PCDHA4: variants seen among roughly 807,000 people sequenced by gnomAD.
The protein encoded by PCDHA4 is protocadherin alpha-4.
A neutral mutation model predicts 61.4 loss-of-function variants in PCDHA4; 49 were observed. The ratio of observed to expected loss-of-function variants is 0.80; its 90% CI spans 0.63 to 1.01. The LOEUF is 1.01. Ranked by LOEUF, PCDHA4 falls within the 50% of genes least tolerant of loss-of-function variation. PCDHA4 has a pLI of 0.00. For missense variants in PCDHA4, 1,254 were observed against 1,235.8 expected (o/e 1.01, Z -0.22); for synonymous variants, 590 against 550.3 (o/e 1.07, Z -1.01).
chr5:140,914,317 A>G (rs1016365389), intron 1 of PCDHA4, among the ~76,000 whole-genome samples: 15 of 152,122 alleles, frequency 9.9e-5, no homozygotes, highest in Non-Finnish European at 2.9e-5. Flanking sequence ...CCCCATTATC[A>G]TTGTACAAAG....
intron 1 of PCDHA4, chr5:140,871,489 G>T: frequency 1.3e-6 from 2 of 1,590,138 alleles, no homozygotes; most frequent in Non-Finnish European, 1.7e-6. Flanking sequence ...AAATCACCCC[G>T]GACAGGTGAG....
chr5:140,876,106 C>G, intron 1 of PCDHA4: 1 of 1,613,942 alleles, frequency 6.2e-7, no homozygotes, highest in Admixed American at 1.7e-5. Context: ...CAATTTATTG[C>G]TGATGGTAAT....
At chr5:140,836,551 G>A in intron 1 of PCDHA4, 1 of 1,613,756 alleles carries the variant, frequency 6.2e-7, no homozygotes, top group South Asian at 1.1e-5. Context: ...GCGTTGCGGT[G>A]CTCAGCGCCG....
At chr5:140,850,951 T>C in intron 1 of PCDHA4, 1 of 1,500,264 alleles carries the variant, frequency 6.7e-7, no homozygotes. Flanking sequence ...TATTATCGAT[T>C]ACTCCCAGGG....
chr5:140,841,706 A>G, intron 1 of PCDHA4: 2 of 1,613,892 alleles, frequency 1.2e-6, no homozygotes, highest in Non-Finnish European at 1.7e-6. Context: ...TGTTAATGAC[A>G]ACCCGCCAGT....
Position 140,895,311 on chromosome 5 carries a change from C to T in PCDHA4, c.2386-83638C>T, listed in dbSNP as rs572826090. 2.0e-5 allele frequency among the ~76,000 whole-genome samples: 3 copies of T among 152,252 alleles called. No homozygotes were observed. The South Asian group carries it at 6.2e-4, about 32-fold the overall frequency. On this transcript the variant is annotated intron_variant, in intron 1 of 3. Transcript: ENST00000530339. ...GACCTTCGATTTCCCCCCTTCCACC[C>T]ATGACTATTGTTCTCAAATTGTTTT...
At chr5:140,957,373 T>G (rs906109440) in intron 1 of PCDHA4, among the ~76,000 whole-genome samples, 1 of 152,192 alleles carries the variant, frequency 6.6e-6, no homozygotes, top group Non-Finnish European at 1.5e-5. Flanking sequence ...ACTTTTATTA[T>G]AGTGTATTGT....
At chr5:140,830,534 A>G (rs2150187511) in intron 1 of PCDHA4, 2 of 1,251,108 alleles carry the variant, frequency 1.6e-6, no homozygotes, top group South Asian at 4.1e-5. Context: ...TAAATTTATA[A>G]TTGTTTTCCT....
intron 1 of PCDHA4, chr5:140,966,544 G>C: frequency 2.1e-6 from 1 of 465,718 alleles, no homozygotes; most frequent in Non-Finnish European, 3.7e-6. Flanking sequence ...GCGACTCGGA[G>C]GCGAGCGGAG....
At chr5:140,849,432 A>C (rs2150437335) in intron 1 of PCDHA4, 5 of 1,580,716 alleles carry the variant, frequency 3.2e-6, no homozygotes, top group African/African-American at 1.4e-5. Context: ...TTTTGAAGAA[A>C]GTAGAGCACA....
intron 1 of PCDHA4, among the ~76,000 whole-genome samples, chr5:140,910,668 C>G (rs2075124281): frequency 6.6e-6 from 1 of 152,172 alleles, no homozygotes; most frequent in Admixed American, 6.5e-5. Flanking sequence ...TACATTAAAC[C>G]AAGGGAGATC....
chr5:140,819,051 C>T (rs2150103040), intron 1 of PCDHA4, among the ~76,000 whole-genome samples: 2 of 152,250 alleles, frequency 1.3e-5, no homozygotes, highest in South Asian at 4.1e-4. Context: ...GGCAGTTATA[C>T]CTTCCTCTGT....
intron 1 of PCDHA4, among the ~76,000 whole-genome samples, chr5:140,838,525 T>C (rs1165394742): frequency 6.6e-6 from 1 of 151,996 alleles, no homozygotes; most frequent in Non-Finnish European, 1.5e-5. Flanking sequence ...CATCTTATTT[T>C]CTTTTATGGA....
At chr5:140,978,048 C>T (rs2096787371) in intron 1 of PCDHA4, among the ~76,000 whole-genome samples, 1 of 152,146 alleles carries the variant, frequency 6.6e-6, no homozygotes, top group African/African-American at 2.4e-5. Flanking sequence ...GTGATGGTGA[C>T]TGATGATGTC....
rs191251073 is a variant in PCDHA4, at chr5:140,928,748, G to A, written c.2386-50201G>A. 503 of 1,614,114 alleles carry A rather than the reference G, an allele frequency of 3.1e-4. 5 individuals carry two copies. The East Asian group carries it at 1.0e-2, about 32-fold the overall frequency. Reference sequence around the variant, plus strand: ...ATTTCAGCCAATATAGGTGAGCTCCGTACTGCTCGCTTAGTTCTTCCCACT... The same window carrying A: ...ATTTCAGCCAATATAGGTGAGCTCCATACTGCTCGCTTAGTTCTTCCCACT... On this transcript the variant is annotated intron_variant, in intron 1 of 3. Transcript: ENST00000530339.
chr5:140,916,242 T>A (rs1554197354), intron 1 of PCDHA4, among the ~76,000 whole-genome samples: 1 of 152,208 alleles, frequency 6.6e-6, no homozygotes, highest in Non-Finnish European at 1.5e-5. Flanking sequence ...AGCCAAAGCC[T>A]GGACTTGGGG....
chr5:140,973,631 A>G (rs1554235456), intron 1 of PCDHA4, among the ~76,000 whole-genome samples: 1 of 152,210 alleles, frequency 6.6e-6, no homozygotes, highest in African/African-American at 2.4e-5. Flanking sequence ...TGTATCTTGT[A>G]CACATTCTGA....
Position 141,009,983 on chromosome 5 carries a change from G to A in PCDHA4, c.*46G>A, listed in dbSNP as rs1554262629. The A allele has an allele frequency of 1.9e-6, 3 of 1,581,862 alleles. No homozygotes were observed. Among genetic ancestry groups the A allele is most frequent in the Non-Finnish European group, 2.6e-6 (3 of 1,167,526 alleles). On this transcript the variant is annotated 3_prime_UTR_variant, in exon 4 of 4. Coordinates refer to ENST00000530339, the MANE Select transcript of PCDHA4 (RefSeq NM_018907.4). ...CCACTTAGCCAGTTTTTGTAATAAT[G>A]GCAAATCTCTCCCATGTAGCAATTC...
intron 1 of PCDHA4, among the ~76,000 whole-genome samples, chr5:140,925,685 G>A (rs1584406507): frequency 7.3e-6 from 1 of 137,694 alleles, no homozygotes; most frequent in South Asian, 2.3e-4. Flanking sequence ...ATAAAGCGAG[G>A]GTGGGTATCT....
Sources: allele counts gnomAD v4.1 joint callset (sites outside exome capture counted in the v4.1 genomes callset), GRCh38; gene constraint gnomAD v4.1.1; transcripts MANE v1.5; gene names NCBI Gene and HGNC (gene_info 2026-07-23, HGNC 2026-07-21).